Variants in RERE observed in about 807,000 individuals in gnomAD.
RERE encodes arginine-glutamic acid dipeptide repeats, also known as arginine-glutamic acid dipeptide repeats protein.
RERE carries 40 observed loss-of-function variants against 146.1 expected under a neutral mutation model. That is an observed-to-expected ratio of 0.27 (90% confidence interval 0.21 to 0.36). The LOEUF is 0.36. Among genes scored for constraint, RERE ranks in the 10% least tolerant of loss-of-function variants. The pLI is 1.00. For synonymous variants in RERE, 1,003 were observed against 866.0 expected, an observed-to-expected ratio of 1.16 and a Z score of -2.78; for missense variants, 1,933 against 2,138.7, an observed-to-expected ratio of 0.90 and a Z score of 1.90.
intron 4 of RERE, among the ~76,000 whole-genome samples, chr1:8,575,548 TA>T: frequency 1.5e-5 from 1 of 64,930 alleles, no homozygotes; most frequent in Admixed American, 1.5e-4. Context: ...TATATATATA[TA>T]TATATATATA....
chr1:8,635,889 C>T (rs1570544681), intron 2 of RERE, among the ~76,000 whole-genome samples: 1 of 152,198 alleles, frequency 6.6e-6, no homozygotes, highest in African/African-American at 2.4e-5. Flanking sequence ...GACAAGTTCA[C>T]AATCTAATAT....
intron 8 of RERE, among the ~76,000 whole-genome samples, chr1:8,503,264 T>TTA (rs1176135182): frequency 1.1e-4 from 16 of 151,936 alleles, no homozygotes; most frequent in African/African-American, 3.9e-4. Context: ...TTAGCACTCA[T>TTA]ATTAGTTGCT....
chr1:8,374,762 T>C (rs990366467), intron 12 of RERE, among the ~76,000 whole-genome samples: 2 of 152,170 alleles, frequency 1.3e-5, no homozygotes, highest in Admixed American at 6.5e-5. Context: ...ACCATATTCC[T>C]TTCTACCATA....
chr1:8,677,155 C>T lies in RERE; in HGVS notation c.-144-20714G>A, dbSNP rs527502576. On this transcript the variant is annotated intron_variant, in intron 1 of 22. Transcript: ENST00000400908. ...GTGTCAGAAAAGTAATTTGGCTGGG[C>T]ATGGTGGCTCCCATCTGTAATCCCA... is the stretch of plus-strand genomic sequence containing the variant. Among the ~76,000 whole-genome samples, 4 of 152,258 alleles carry T rather than the reference C, an allele frequency of 2.6e-5. No homozygotes were observed. The East Asian group carries it at 7.7e-4, about 29-fold the overall frequency.
intron 12 of RERE, among the ~76,000 whole-genome samples, chr1:8,390,225 T>C (rs113721757): frequency 6.6e-6 from 1 of 152,118 alleles, no homozygotes; most frequent in Non-Finnish European, 1.5e-5. Context: ...AACGACGGCA[T>C]ACAGAAGAGC....
At chr1:8,618,670 T>C (rs1265965518) in intron 3 of RERE, among the ~76,000 whole-genome samples, 1 of 152,210 alleles carries the variant, frequency 6.6e-6, no homozygotes, top group Non-Finnish European at 1.5e-5. Context: ...GATAATTAAG[T>C]CACTGTGTGT....
chr1:8,421,728 C>CA (rs1212475161), intron 12 of RERE, among the ~76,000 whole-genome samples: 1 of 151,960 alleles, frequency 6.6e-6, no homozygotes, highest in Non-Finnish European at 1.5e-5. Flanking sequence ...AAAATTAAGC[C>CA]AAAAAACCCA....
rs556814425 is a variant in RERE, at chr1:8,795,982, C to CAAAAAA, written c.-145+21172_-145+21177dup. 7.7e-4 allele frequency among the ~76,000 whole-genome samples: 23 copies of CAAAAAA among 29,902 alleles called. 1 individual carries two copies. The highest frequency in any genetic ancestry group is 1.6e-3 in the African/African-American group (13 of 8,186). The allele number at this position is 29,902 out of a possible 152,430, so 19.6% of individuals were successfully genotyped here. A position where few individuals can be genotyped will look rare whatever the true frequency, so the allele number is the denominator to read the frequency against. On this transcript the variant is annotated intron_variant, in intron 1 of 22. Coordinates refer to ENST00000400908, the MANE Select transcript of RERE (RefSeq NM_001042681.2). ...GGGCAACAAGAACGAAACTCCGTCT[C>CAAAAAA]AAAAAAAAAAAAAAAACAAAACAAA...
chr1:8,516,227 G>GGAAAAAAAAAAAAAAAAAAA lies in RERE; in HGVS notation c.831-7553_831-7552insTTTTTTTTTTTTTTTTTTTC, dbSNP rs573135224. ...GGGACGGAGCAAGACTCTCTCAGAG[G>GGAAAAAAAAAAAAAAAAAAA]AAAAAAAAAAAAAAAAAAAAAATCT... On this transcript the variant is annotated intron_variant, in intron 7 of 22. Coordinates refer to ENST00000400908, the MANE Select transcript of RERE (RefSeq NM_001042681.2). Among the ~76,000 whole-genome samples, 14 of 52,308 alleles carry GGAAAAAAAAAAAAAAAAAAA rather than the reference G, an allele frequency of 2.7e-4. 3 individuals are homozygous for GGAAAAAAAAAAAAAAAAAAA. Among genetic ancestry groups the GGAAAAAAAAAAAAAAAAAAA allele is most frequent in the African/African-American group, 1.1e-3 (13 of 11,628 alleles). The allele number at this position is 52,308 out of a possible 152,430, so 34.3% of individuals were successfully genotyped here. A position where few individuals can be genotyped will look rare whatever the true frequency, so the allele number is the denominator to read the frequency against.
chr1:8,663,678 C>T (rs1049943851), intron 1 of RERE, among the ~76,000 whole-genome samples: 1 of 152,174 alleles, frequency 6.6e-6, no homozygotes, highest in Non-Finnish European at 1.5e-5. Context: ...AATTCACGTT[C>T]CATATGAATC....
In RERE at chr1:8,365,603, T is replaced by C. The variant is rs1570053448; in HGVS notation, c.1447+209A>G. Among the ~76,000 whole-genome samples the C allele has an allele frequency of 2.0e-5, 3 of 152,334 alleles. No individual in the cohort carries two copies. In the East Asian group the frequency reaches 5.8e-4, roughly 29 times the overall value. Reference sequence around the variant, plus strand: ...GAGAAATATTTAAATGTACAAATAATGTTTTAAAGTCTCCCTCCTGAATCC... The same window carrying C: ...GAGAAATATTTAAATGTACAAATAACGTTTTAAAGTCTCCCTCCTGAATCC... On this transcript the variant is annotated intron_variant, in intron 13 of 22. Coordinates refer to ENST00000400908, the MANE Select transcript of RERE (RefSeq NM_001042681.2).
At chr1:8,787,413 A>C (rs1255804190) in intron 1 of RERE, among the ~76,000 whole-genome samples, 1 of 152,188 alleles carries the variant, frequency 6.6e-6, no homozygotes, top group African/African-American at 2.4e-5. Context: ...GTTTAATCTG[A>C]GTCAGAACTG....
At chr1:8,403,823 A>G (rs1202206159) in intron 12 of RERE, among the ~76,000 whole-genome samples, 1 of 66,150 alleles carries the variant, frequency 1.5e-5, no homozygotes, top group African/African-American at 5.2e-5. Context: ...ATAAAATCTT[A>G]GCTTTTTTTT....
chr1:8,478,092 C>A (rs1644778095), intron 10 of RERE, among the ~76,000 whole-genome samples: 1 of 152,224 alleles, frequency 6.6e-6, no homozygotes, highest in Admixed American at 6.5e-5. Context: ...ACAATTCTAG[C>A]TTTCCCAATC....
chr1:8,489,403 A>G (rs543396415), intron 10 of RERE, among the ~76,000 whole-genome samples: 1 of 152,148 alleles, frequency 6.6e-6, no homozygotes, highest in South Asian at 2.1e-4. Context: ...GAATGAAAAA[A>G]AGTCATGGTA....
intron 1 of RERE, among the ~76,000 whole-genome samples, chr1:8,781,734 T>C (rs1641169374): frequency 6.6e-6 from 1 of 151,128 alleles, no homozygotes; most frequent in South Asian, 2.1e-4. Context: ...TTTCCAAAAA[T>C]GTAAGGCCAA....
chr1:8,703,236 G>A (rs1639493369), intron 1 of RERE: 1 of 150,482 alleles, frequency 6.6e-6, no homozygotes, highest in African/African-American at 2.4e-5. Flanking sequence ...ACCGCGGCGC[G>A]GGCGCAGGTC....
At chr1:8,370,643 T>C (rs1350297913) in intron 12 of RERE, among the ~76,000 whole-genome samples, 1 of 152,240 alleles carries the variant, frequency 6.6e-6, no homozygotes, top group Non-Finnish European at 1.5e-5. Flanking sequence ...TATTGGTGAC[T>C]GCATGGGTGG....
intron 4 of RERE, among the ~76,000 whole-genome samples, chr1:8,611,508 C>T (rs1055013362): frequency 6.6e-6 from 1 of 151,998 alleles, no homozygotes; most frequent in African/African-American, 2.4e-5. Context: ...TGTCTCAAAA[C>T]AAAAACAACA....
Sources: allele counts gnomAD v4.1 joint callset (sites outside exome capture counted in the v4.1 genomes callset), GRCh38; gene constraint gnomAD v4.1.1; transcripts MANE v1.5; gene names NCBI Gene and HGNC (gene_info 2026-07-23, HGNC 2026-07-21).